Variants in COL24A1 observed in about 807,000 individuals in gnomAD.
COL24A1 encodes the protein collagen alpha-1(XXIV) chain.
Under a neutral mutation model 253.9 loss-of-function variants are expected in COL24A1, and 224 were observed. The observed-to-expected ratio is 0.88, with a 90% confidence interval of 0.79 to 0.99. The LOEUF is 0.99. Among genes scored for constraint, COL24A1 ranks in the 50% least tolerant of loss-of-function variants. The pLI is 0.00. For missense variants in COL24A1, 2,131 were observed against 2,068.5 expected (o/e 1.03, Z -0.59); for synonymous variants, 685 against 673.7 (o/e 1.02, Z -0.26).
chr1:85,810,137 C>A (rs1672382507), intron 47 of COL24A1, among the ~76,000 whole-genome samples: 1 of 152,056 alleles, frequency 6.6e-6, no homozygotes, highest in Non-Finnish European at 1.5e-5. Flanking sequence ...TGACCAAATA[C>A]AGCTAAAACC....
At chr1:85,977,167 A>T (rs1692769595) in intron 20 of COL24A1, among the ~76,000 whole-genome samples, 1 of 152,214 alleles carries the variant, frequency 6.6e-6, no homozygotes, top group South Asian at 2.1e-4. Context: ...TCCTAGAAGA[A>T]GGGGGAGAGC....
At chr1:85,968,571 T>A (rs552227972) in intron 22 of COL24A1, among the ~76,000 whole-genome samples, 3 of 152,316 alleles carry the variant, frequency 2.0e-5, no homozygotes, top group Middle Eastern at 3.4e-3. Context: ...TAAATATCAA[T>A]TGTTCTCTAC....
intron 50 of COL24A1, 119 bp from the exon 51 acceptor site, chr1:85,783,677 A>G: frequency 1.2e-6 from 1 of 867,410 alleles, no homozygotes; most frequent in Non-Finnish European, 1.8e-6. Flanking sequence ...ACTGTTGTGC[A>G]TGCTGAAGAA....
intron 19 of COL24A1, among the ~76,000 whole-genome samples, chr1:85,990,461 G>A (rs898627946): frequency 6.6e-5 from 10 of 152,152 alleles, no homozygotes; most frequent in South Asian, 4.1e-4. Flanking sequence ...AACAGGGTTC[G>A]TGCTCCTATG....
chr1:85,954,556 T>C (rs1171656743), intron 24 of COL24A1, among the ~76,000 whole-genome samples: 2 of 152,132 alleles, frequency 1.3e-5, no homozygotes, highest in African/African-American at 4.8e-5. Flanking sequence ...TTTTCCAGGG[T>C]GTCTATGAGG....
chr1:85,836,136 TA>T (rs1191515137), intron 43 of COL24A1, among the ~76,000 whole-genome samples: 4 of 152,220 alleles, frequency 2.6e-5, no homozygotes, highest in Non-Finnish European at 5.9e-5. Context: ...TCATCAAACC[TA>T]GCATAAAAGT....
At chr1:86,129,878 A>T (rs575987962) in intron 2 of COL24A1, among the ~76,000 whole-genome samples, 8 of 151,752 alleles carry the variant, frequency 5.3e-5, no homozygotes, top group Non-Finnish European at 1.2e-4. Flanking sequence ...CATACCAGTT[A>T]GTTGTACCTC....
chr1:85,925,917 C>G (rs970136090), intron 24 of COL24A1, among the ~76,000 whole-genome samples: 2 of 152,134 alleles, frequency 1.3e-5, no homozygotes, highest in African/African-American at 4.8e-5. Context: ...TTTTTGCAAT[C>G]TACCCATCTG....
rs928967670 is a variant in COL24A1 at position 85,817,602 on chromosome 1, A to G, written c.3843+432T>C. ...GAGGTAAAAGTTAATCTTTGTGATGAAAAGATTAAATTTTTTTTCCTAAGA... is the reference window on the plus strand; with the variant it reads ...GAGGTAAAAGTTAATCTTTGTGATGGAAAGATTAAATTTTTTTTCCTAAGA... On this transcript the variant is annotated intron_variant, in intron 46 of 59. Transcript: ENST00000370571. Among the ~76,000 whole-genome samples the G allele has an allele frequency of 1.4e-4, 21 of 152,278 alleles. No homozygotes were observed. The East Asian group carries it at 3.7e-3, about 27-fold the overall frequency.
chr1:85,991,013 A>G (rs894036983), intron 19 of COL24A1, among the ~76,000 whole-genome samples: 7 of 152,238 alleles, frequency 4.6e-5, no homozygotes, highest in Non-Finnish European at 1.0e-4. Flanking sequence ...AATGATACAA[A>G]TAATCTAATT....
chr1:86,155,728 T>A (rs1334759790), intron 1 of COL24A1: 2 of 152,324 alleles, frequency 1.3e-5, no homozygotes, highest in African/African-American at 4.8e-5. Context: ...TCGGCTCGGA[T>A]GGGCAACGTT....
In COL24A1 at chr1:85,781,288, GA is replaced by G; in HGVS notation, c.4285-16del. The G allele has an allele frequency of 6.4e-7, 1 of 1,554,450 alleles. No individual in the cohort carries two copies. Among genetic ancestry groups the G allele is most frequent in the Non-Finnish European group, 8.7e-7 (1 of 1,148,280 alleles). ...CCAGTGTTTCCCTGTTGAGGTAAAA[GA>G]AAAACAGTCTCACTGTTAGTATAAT... On this transcript the variant is annotated splice_polypyrimidine_tract_variant and intron_variant, in intron 51 of 59. Transcript: ENST00000370571.
chr1:85,959,169 A>G (rs1270308951), intron 24 of COL24A1, among the ~76,000 whole-genome samples: 2 of 152,158 alleles, frequency 1.3e-5, no homozygotes, highest in African/African-American at 2.4e-5. Context: ...GATGAACTAT[A>G]TTTCTAAGAT....
chr1:85,775,471 T>C (rs1216028551), intron 53 of COL24A1, among the ~76,000 whole-genome samples: 4 of 152,172 alleles, frequency 2.6e-5, no homozygotes, highest in African/African-American at 9.6e-5. Context: ...GACAGTGGGG[T>C]GTTAAAGTCT....
chr1:86,112,720 C>T (rs1705732681), intron 4 of COL24A1, 100 bp from the exon 5 acceptor site: 1 of 1,117,578 alleles, frequency 8.9e-7, no homozygotes, highest in African/African-American at 1.5e-5. Context: ...CCTTTAAGCA[C>T]TTGAGTTTTT....
chr1:85,792,634 A>G (rs1670410601), intron 47 of COL24A1, among the ~76,000 whole-genome samples: 1 of 151,936 alleles, frequency 6.6e-6, no homozygotes, highest in African/African-American at 2.4e-5. Flanking sequence ...CTTGAGCCCA[A>G]GAGTTCAAAG....
rs182204087 is a variant in COL24A1 at position 85,807,753 on chromosome 1, A to G, written c.3951+9035T>C. 7.5e-4 allele frequency among the ~76,000 whole-genome samples: 115 copies of G among 152,334 alleles called. 1 individual carries two copies. The highest frequency in any genetic ancestry group is 2.6e-3 in the African/African-American group (109 of 41,576). On this transcript the variant is annotated intron_variant, in intron 47 of 59. Transcript: ENST00000370571. ...TGAGAAAAAACACTGCAATGTGGTC[A>G]GAGATGTATACTACAACTCCTCCCC... is the stretch of plus-strand genomic sequence containing the variant.
In COL24A1 at chr1:85,929,813, C is replaced by A. The variant is rs532054347; in HGVS notation, c.2563-18380G>T. ...GCCGCTCAACTACATGGAAACTGAA[C>A]AACCTGTACCTGAATGACTACTGGG... is the stretch of plus-strand genomic sequence containing the variant. On this transcript the variant is annotated intron_variant, in intron 24 of 59. Coordinates refer to ENST00000370571, the MANE Select transcript of COL24A1 (RefSeq NM_152890.7). Among the ~76,000 whole-genome samples, 4 of 151,428 alleles carry A rather than the reference C, an allele frequency of 2.6e-5. No homozygotes were observed. In the East Asian group the frequency reaches 7.8e-4, roughly 29 times the overall value.
intron 5 of COL24A1, among the ~76,000 whole-genome samples, chr1:86,100,011 G>T (rs1704309411): frequency 6.6e-6 from 1 of 151,938 alleles, no homozygotes; most frequent in Non-Finnish European, 1.5e-5. Flanking sequence ...AAATCATGCT[G>T]CTATAAAGAC....
Sources: allele counts gnomAD v4.1 joint callset (sites outside exome capture counted in the v4.1 genomes callset), GRCh38; gene constraint gnomAD v4.1.1; transcripts MANE v1.5; gene names NCBI Gene and HGNC (gene_info 2026-07-23, HGNC 2026-07-21).